G2E3: variants seen among roughly 807,000 people sequenced by gnomAD.
The protein encoded by G2E3 is G2/M-phase specific E3 ubiquitin protein ligase.
A neutral mutation model predicts 92.8 loss-of-function variants in G2E3; 35 were observed. The ratio of observed to expected loss-of-function variants is 0.38; its 90% CI spans 0.29 to 0.50. G2E3 has a LOEUF of 0.50. Among genes scored for constraint, G2E3 ranks in the 20% least tolerant of loss-of-function variants. G2E3 has a pLI of 0.94. For synonymous variants in G2E3, 242 were observed against 272.4 expected, an observed-to-expected ratio of 0.89 and a Z score of 1.10; for missense variants, 554 against 823.8, an observed-to-expected ratio of 0.67 and a Z score of 4.01.
intron 2 of G2E3, among the ~76,000 whole-genome samples, chr14:30,583,885 TTAAC>T (rs1217600049): frequency 6.6e-5 from 10 of 152,246 alleles, no homozygotes; most frequent in African/African-American, 9.6e-5. Flanking sequence ...AATTCATACT[TTAAC>T]TATTTTGAGA....
chr14:30,591,176 C>T (rs1880991252), intron 4 of G2E3, among the ~76,000 whole-genome samples: 1 of 152,054 alleles, frequency 6.6e-6, no homozygotes, highest in Non-Finnish European at 1.5e-5. Context: ...ACTAGAATTC[C>T]TTGTTGTCAG....
At chr14:30,568,053 T>A (rs560956033) in intron 1 of G2E3, among the ~76,000 whole-genome samples, 1 of 152,236 alleles carries the variant, frequency 6.6e-6, no homozygotes, top group East Asian at 1.9e-4. Flanking sequence ...CTATTTCTCC[T>A]TTCATTTCTG....
chr14:30,616,269 T>A lies in G2E3; in HGVS notation c.1865-9T>A, dbSNP rs961174576. ...TTTCTTTTACTCTTTTATTGGTAAA[T>A]TTTTTCAGATGGTAAATCTACAACA... On this transcript the variant is annotated splice_polypyrimidine_tract_variant and intron_variant, in intron 14 of 14. Coordinates refer to ENST00000206595, the MANE Select transcript of G2E3 (RefSeq NM_017769.5). 5 of 1,584,522 alleles carry A rather than the reference T, an allele frequency of 3.2e-6. No individual in the cohort carries two copies. In the African/African-American group the frequency reaches 6.8e-5, roughly 21 times the overall value.
At position 30,593,454 on chromosome 14, in the gene G2E3, A is replaced by T. The variant is rs528218363; in HGVS notation, c.363-20A>T. On this transcript the variant is annotated intron_variant, in intron 5 of 14. Coordinates refer to ENST00000206595, the MANE Select transcript of G2E3 (RefSeq NM_017769.5). ...GCTTTGCAGTTCATGAGATTTTTTT[A>T]AAATAATTTACATTTTTAGGTCATT... 73 of 1,310,490 alleles carry T rather than the reference A, an allele frequency of 5.6e-5. No homozygotes were observed. In the East Asian group the frequency reaches 1.4e-3, roughly 25 times the overall value. 81.2% of individuals were successfully genotyped at this position (1,310,490 alleles called of 1,614,324 possible). A position where few individuals can be genotyped will look rare whatever the true frequency, so the allele number is the denominator to read the frequency against.
intron 2 of G2E3, among the ~76,000 whole-genome samples, chr14:30,581,899 A>T (rs1236014315): frequency 6.6e-6 from 1 of 152,172 alleles, no homozygotes; most frequent in Non-Finnish European, 1.5e-5. Context: ...TGCCACTTCT[A>T]CCTCATCCAC....
At chr14:30,595,534 C>G (rs758551491) in intron 6 of G2E3, among the ~76,000 whole-genome samples, 3 of 152,090 alleles carry the variant, frequency 2.0e-5, no homozygotes, top group Non-Finnish European at 2.9e-5. Context: ...AATAATATTA[C>G]TAACAAAAAA....
chr14:30,595,942 A>G (rs940802346), intron 6 of G2E3, among the ~76,000 whole-genome samples: 1 of 152,074 alleles, frequency 6.6e-6, no homozygotes, highest in African/African-American at 2.4e-5. Context: ...TCATTGCTCT[A>G]GTCTTGTTGG....
chr14:30,590,316 GT>G (rs1880932460), intron 4 of G2E3, among the ~76,000 whole-genome samples: 1 of 151,876 alleles, frequency 6.6e-6, no homozygotes, highest in African/African-American at 2.4e-5. Context: ...TGCTGAAGTT[GT>G]TTAGACTTTG....
chr14:30,603,325 C>CAA (rs1231084948), intron 10 of G2E3, among the ~76,000 whole-genome samples: 5 of 62,870 alleles, frequency 8.0e-5, no homozygotes, highest in East Asian at 9.6e-4. Context: ...GACTCTGTCT[C>CAA]AAAAAAAAAA....
At chr14:30,575,856 A>G (rs1594471751) in intron 1 of G2E3, among the ~76,000 whole-genome samples, 1 of 152,220 alleles carries the variant, frequency 6.6e-6, no homozygotes, top group Admixed American at 6.5e-5. Flanking sequence ...GCACTGCTCA[A>G]AGAAATCAGA....
intron 7 of G2E3, 147 bp downstream of exon 7, chr14:30,597,673 C>G (rs229259): frequency 0.027 from 16,362 of 607,536 alleles, 1,941 homozygotes; most frequent in African/African-American, 0.26. Context: ...TCCTCCCCCA[C>G]ATGGCCAGTT....
intron 2 of G2E3, among the ~76,000 whole-genome samples, chr14:30,585,411 A>G (rs1880655295): frequency 6.6e-6 from 1 of 152,168 alleles, no homozygotes; most frequent in South Asian, 2.1e-4. Flanking sequence ...TGTTGATGAG[A>G]CTATTCTTTC....
At chr14:30,585,943 G>A (rs1296350902) in intron 2 of G2E3, among the ~76,000 whole-genome samples, 1 of 152,084 alleles carries the variant, frequency 6.6e-6, no homozygotes, top group Admixed American at 6.5e-5. Flanking sequence ...TTATGCAGAA[G>A]GTTTTCCAAA....
intron 13 of G2E3, 128 bp downstream of exon 13, chr14:30,612,507 T>C (rs1023602750): frequency 1.6e-6 from 1 of 618,732 alleles, no homozygotes; most frequent in Non-Finnish European, 2.8e-6. Context: ...AAATGCTATT[T>C]TTAAATAATA....
chr14:30,608,954 C>T (rs1361534881), intron 12 of G2E3, among the ~76,000 whole-genome samples: 2 of 152,146 alleles, frequency 1.3e-5, no homozygotes, highest in Non-Finnish European at 2.9e-5. Context: ...TGCACTCCAA[C>T]CTGGGCAACA....
rs763943192 is a variant in G2E3 at position 30,619,534 on chromosome 14, T to C, written c.*3000T>C. 1.3e-5 allele frequency: 2 copies of C among 152,182 alleles called. No homozygotes were observed. Among genetic ancestry groups the C allele is most frequent in the Non-Finnish European group, 2.9e-5 (2 of 67,996 alleles). The allele number at this position is 152,182 out of a possible 1,614,324, so 9.4% of individuals were successfully genotyped here. A position where few individuals can be genotyped will look rare whatever the true frequency, so the allele number is the denominator to read the frequency against. On this transcript the variant is annotated 3_prime_UTR_variant, in exon 15 of 15. Transcript: ENST00000206595. ...TCAAGTAATGCAATACAAAGTTTCA[T>C]GCTTCAAGTAATGCAATACAAAACA...
At chr14:30,573,511 T>C (rs935404583) in intron 1 of G2E3, 1 of 151,730 alleles carries the variant, frequency 6.6e-6, no homozygotes, top group African/African-American at 2.4e-5. Context: ...ACTCACATGA[T>C]TATGTAGTGT....
chr14:30,588,399 T>A (rs1257296055), intron 3 of G2E3, among the ~76,000 whole-genome samples: 1 of 151,562 alleles, frequency 6.6e-6, no homozygotes, highest in Non-Finnish European at 1.5e-5. Flanking sequence ...TTATCACTTG[T>A]TTTTCTTTAC....
intron 8 of G2E3, among the ~76,000 whole-genome samples, chr14:30,600,798 T>C (rs1421084664): frequency 6.6e-6 from 1 of 152,206 alleles, no homozygotes; most frequent in Non-Finnish European, 1.5e-5. Flanking sequence ...ATCCTCACTC[T>C]GAGACTTGGC....
Sources: allele counts gnomAD v4.1 joint callset (sites outside exome capture counted in the v4.1 genomes callset), GRCh38; gene constraint gnomAD v4.1.1; transcripts MANE v1.5; gene names NCBI Gene and HGNC (gene_info 2026-07-23, HGNC 2026-07-21).